NOS3: variants seen among roughly 807,000 people sequenced by gnomAD.
The protein encoded by NOS3 is NOS type III.
A neutral mutation model predicts 144.9 loss-of-function variants in NOS3; 98 were observed. The ratio of observed to expected loss-of-function variants is 0.68; its 90% CI spans 0.57 to 0.80. The LOEUF (loss-of-function observed/expected upper bound fraction) is 0.80. Among genes scored for constraint, NOS3 ranks in the 30% least tolerant of loss-of-function variants. The pLI, the probability that NOS3 is intolerant of heterozygous loss-of-function variation, is 0.00. For missense variants in NOS3, 1,465 were observed against 1,656.4 expected, an observed-to-expected ratio of 0.88 and a Z score of 2.01; for synonymous variants, 714 against 702.4, an observed-to-expected ratio of 1.02 and a Z score of -0.26.
In NOS3 at chr7:151,013,691, A is replaced by G. The variant is rs759849285; in HGVS notation, c.3256-33A>G. 2.3e-5 allele frequency: 18 copies of G among 772,586 alleles called. No homozygotes were observed. The Middle Eastern group carries it at 4.1e-3, about 174-fold the overall frequency. 47.9% of individuals were successfully genotyped at this position (772,586 alleles called of 1,614,324 possible). On this transcript the variant is annotated intron_variant, in intron 25 of 26. Transcript: ENST00000297494. ...GGGCTGCGCCCCCGCGCCCACCCCC[A>G]CCAGGGCCCGCCCTAACCCCGCCGC...
intron 17 of NOS3, among the ~76,000 whole-genome samples, chr7:151,007,579 G>T (rs1052562610): frequency 3.2e-4 from 49 of 152,240 alleles, no homozygotes; most frequent in Non-Finnish European, 5.4e-4. Context: ...AAGGGAGGGG[G>T]TGCAGGGCAG....
rs1357942550 is a variant in NOS3, at chr7:151,009,217, G to C, written c.2274G>C (p.Met758Ile). Residue 758 changes from methionine to isoleucine, a missense_variant, in exon 19 of 27, where the codon ATG becomes ATC. This residue lies in a region of NOS3 where 745 missense variants were observed against 853.9 expected (regional missense o/e 0.87). Coordinates refer to ENST00000297494, the MANE Select transcript of NOS3 (RefSeq NM_000603.5). ...PGLIHVHRRK[M>I]FQATIRSVEN... Reference sequence around the variant, plus strand: ...TGATCCACGTGCACAGGCGGAAGATGTTCCAGGCTACAATCCGCTCAGTGG... The same window carrying C: ...TGATCCACGTGCACAGGCGGAAGATCTTCCAGGCTACAATCCGCTCAGTGG... The C allele has an allele frequency of 2.5e-6, 4 of 1,613,676 alleles. No individual in the cohort carries two copies. Among genetic ancestry groups the C allele is most frequent in the Non-Finnish European group, 3.4e-6 (4 of 1,179,844 alleles).
chr7:151,002,523 C>G lies in NOS3; in HGVS notation c.1752+219C>G, dbSNP rs75528901. Among the ~76,000 whole-genome samples, 18,300 of 151,824 alleles carry G rather than the reference C, an allele frequency of 0.12. 1,454 individuals are homozygous for G. Among genetic ancestry groups the G allele is most frequent in the African/African-American group, 0.21 (8,764 of 41,310 alleles). On this transcript the variant is annotated intron_variant, in intron 14 of 26. Transcript: ENST00000297494. This position sits in a 1 kb window ranked among gnomAD's most constrained non-coding sequence, Gnocchi z 4.1. Reference sequence around the variant, plus strand: ...ACCCCACACAAGCTACGCTCCCAGCCCACCCATGTGGCTGCCTCCCTGCAA... The same window carrying G: ...ACCCCACACAAGCTACGCTCCCAGCGCACCCATGTGGCTGCCTCCCTGCAA...
At chr7:151,010,854 CGGCCCCTCTCT>C in intron 22 of NOS3, 34 bp from the exon 23 acceptor site, 6 of 1,605,766 alleles carry the variant, frequency 3.7e-6, no homozygotes, top group Non-Finnish European at 5.1e-6. Context: ...GGGTTGGGAC[CGGCCCCTCTCT>C]GGCCCCTCAC....
chr7:151,010,830 G>C (rs1465539744), intron 22 of NOS3, 23 bp downstream of exon 22: 5 of 1,607,728 alleles, frequency 3.1e-6, no homozygotes, highest in Non-Finnish European at 4.2e-6. Context: ...GCAGGAGCAG[G>C]CCTGGCCACA....
Position 150,993,836 on chromosome 7 carries a change from T to C in NOS3, c.33T>C (p.Pro11=). Reference sequence around the variant, plus strand: ...ACTTGAAGAGCGTGGCCCAGGAGCCTGGGCCACCCTGCGGCCTGGGGCTGG... The same window carrying C: ...ACTTGAAGAGCGTGGCCCAGGAGCCCGGGCCACCCTGCGGCCTGGGGCTGG... MGNLKSVAQE[P]GPPCGLGLGL... is the part of the protein sequence containing the mutation. The change falls in exon 2 of 27, where the codon CCT becomes CCC. Residue 11 remains proline (P), a synonymous_variant. Transcript: ENST00000297494. The surrounding 1 kb of genome is among the most constrained non-coding windows in gnomAD (Gnocchi z 4.0). 6.2e-7 allele frequency: 1 copy of C among 1,600,260 alleles called. No individual in the cohort carries two copies.
In NOS3 at chr7:151,013,388, C is replaced by T. The variant is rs1795350174; in HGVS notation, c.3255+9C>T. 6.2e-7 allele frequency: 1 copy of T among 1,608,170 alleles called. No homozygotes were observed. Among genetic ancestry groups the T allele is most frequent in the African/African-American group, 1.3e-5 (1 of 74,964 alleles). ...AACCTGACAACCCCAAGGTGTGAGA[C>T]CCTGAGGGCGCAATGGTAACCTGAA... On this transcript the variant is annotated intron_variant, in intron 25 of 26. Coordinates refer to ENST00000297494, the MANE Select transcript of NOS3 (RefSeq NM_000603.5).
Position 151,010,249 on chromosome 7 carries a change from G to A in NOS3, c.2647G>A (p.Glu883Lys), listed in dbSNP as rs1344503538. 1.2e-6 allele frequency: 2 copies of A among 1,613,072 alleles called. No individual in the cohort carries two copies. The change falls in exon 21 of 27, where the codon GAG becomes AAG. Residue 883 changes from glutamate to lysine, a missense_variant. By Grantham distance (56) the Glu-to-Lys change is moderately conservative. This residue lies in a region of NOS3 where 745 missense variants were observed against 853.9 expected (regional missense o/e 0.87). Transcript: ENST00000297494. ...LLRLLSTLAE[E>K]PREQQELEAL... ...GCGGCTGCTCAGCACCTTGGCAGAAGAGCCCAGGGAACAGCAGGAGCTGGA... is the reference window on the plus strand; with the variant it reads ...GCGGCTGCTCAGCACCTTGGCAGAAAAGCCCAGGGAACAGCAGGAGCTGGA...
chr7:151,003,664 C>T lies in NOS3; in HGVS notation c.1752+1360C>T, dbSNP rs1235116823. 2 of 714,172 alleles carry T rather than the reference C, an allele frequency of 2.8e-6. No homozygotes were observed. Among genetic ancestry groups the T allele is most frequent in the Admixed American group, 2.3e-5 (1 of 42,834 alleles). The allele number at this position is 714,172 out of a possible 1,614,324, so 44.2% of individuals were successfully genotyped here. ...ACGTGAATCCCTTCCCAGTCTGTCTCCCTGCCAGAAGTGTCTGTCACCACA... is the reference window on the plus strand; with the variant it reads ...ACGTGAATCCCTTCCCAGTCTGTCTTCCTGCCAGAAGTGTCTGTCACCACA... On this transcript the variant is annotated intron_variant, in intron 14 of 26. Transcript: ENST00000297494. The surrounding 1 kb of genome is among the most constrained non-coding windows in gnomAD (Gnocchi z 4.1).
In NOS3 at chr7:151,009,179, C is replaced by T. The variant is rs757944871; in HGVS notation, c.2246-10C>T. On this transcript the variant is annotated splice_polypyrimidine_tract_variant and intron_variant, in intron 18 of 26. Transcript: ENST00000297494. ...CTCAGGCTGCCTCATTTGCCCCTCC[C>T]CGCCCCCAGGTCTGATCCACGTGCA... 1 of 1,613,942 alleles carries T rather than the reference C, an allele frequency of 6.2e-7. No individual in the cohort carries two copies. The highest frequency in any genetic ancestry group is 2.2e-5 in the East Asian group (1 of 44,874).
chr7:150,996,629 C>T, intron 4 of NOS3, 77 bp downstream of exon 4: 2 of 1,506,732 alleles, frequency 1.3e-6, no homozygotes, highest in Non-Finnish European at 1.8e-6. Flanking sequence ...TTCCCATGAC[C>T]CCCTCCCTTC....
At chr7:150,996,656 C>T (rs537728048) in intron 4 of NOS3, 104 bp downstream of exon 4, 5 of 1,479,926 alleles carry the variant, frequency 3.4e-6, no homozygotes, top group East Asian at 4.6e-5. Context: ...CCTAACACCA[C>T]GTGGGCCCCT....
Position 151,013,773 on chromosome 7 carries a change from G to A in NOS3, c.3305G>A (p.Arg1102His). Reference sequence around the variant, plus strand: ...ACGGAGCTGGCTGCGGAGGTGCACCGCGTGCTGTGCCTCGAGCGGGGCCAC... The same window carrying A: ...ACGGAGCTGGCTGCGGAGGTGCACCACGTGCTGTGCCTCGAGCGGGGCCAC... ...LRTELAAEVHRVLCLERGHMF... is the reference protein window; with the variant it reads ...LRTELAAEVHHVLCLERGHMF... The change falls in exon 26 of 27, where the codon CGC becomes CAC. Residue 1102 changes from arginine (R) to histidine (H), a missense_variant. Around this residue, in one of 5 missense-constraint regions of NOS3, gnomAD observed 228 missense variants for 227.7 expected, o/e 1.00. Transcript: ENST00000297494. 3 of 1,611,514 alleles carry A rather than the reference G, an allele frequency of 1.9e-6. No individual in the cohort carries two copies. Among genetic ancestry groups the A allele is most frequent in the Non-Finnish European group, 2.5e-6 (3 of 1,179,366 alleles).
intron 14 of NOS3, among the ~76,000 whole-genome samples, chr7:151,005,293 A>T (rs1435359366): frequency 1.3e-5 from 2 of 152,078 alleles, no homozygotes; most frequent in Non-Finnish European, 2.9e-5. Flanking sequence ...GTTCTTGCTA[A>T]CTCTGGCGCA....
intron 20 of NOS3, among the ~76,000 whole-genome samples, chr7:151,009,904 T>A (rs551284888): frequency 6.6e-6 from 1 of 152,306 alleles, no homozygotes; most frequent in Admixed American, 6.5e-5. Context: ...CTGGGCTTTA[T>A]TTAAAATAAG....
At chr7:151,001,177 T>C (rs536740357) in intron 10 of NOS3, 54 bp from the exon 11 acceptor site, 5 of 1,580,890 alleles carry the variant, frequency 3.2e-6, no homozygotes, top group Admixed American at 3.4e-5. Context: ...GGAGGAAGAA[T>C]GGGCGAGGTC....
chr7:150,991,659 G>A (rs1411037866), intron 1 of NOS3, among the ~76,000 whole-genome samples: 2 of 152,134 alleles, frequency 1.3e-5, no homozygotes, highest in African/African-American at 2.4e-5. Flanking sequence ...GGCCTGGGAG[G>A]GGTCAGGTGG....
At chr7:151,001,113 G>A in intron 10 of NOS3, 118 bp from the exon 11 acceptor site, 1 of 943,814 alleles carries the variant, frequency 1.1e-6, no homozygotes, top group South Asian at 1.5e-5. Context: ...GACACAGGGT[G>A]TGTTAGATAT....
chr7:151,001,518 C>G (rs779873877), intron 11 of NOS3, 26 bp from the exon 12 acceptor site: 5 of 1,612,740 alleles, frequency 3.1e-6, no homozygotes, highest in Non-Finnish European at 4.2e-6. Flanking sequence ...TTTACCTCCC[C>G]TCCCAACCCC....
Sources: gnomAD v4.1 joint callset for allele counts (sites outside exome capture counted in the v4.1 genomes callset) on GRCh38, gnomAD v4.1.1 for gene constraint, gnomAD v4.1.1 regional missense constraint, Gnocchi (gnomAD v3.1) non-coding constraint, MANE v1.5 for transcripts, NCBI Gene and HGNC (gene_info 2026-07-23, HGNC 2026-07-21) for gene names.